Variants in MXI1 observed in about 807,000 individuals in gnomAD.
MXI1 encodes MAX interactor 1, dimerization protein.
A neutral mutation model predicts 36.9 loss-of-function variants in MXI1; 18 were observed. The ratio of observed to expected loss-of-function variants is 0.49; its 90% CI spans 0.34 to 0.72. MXI1 has a LOEUF of 0.72. Ranked by LOEUF, MXI1 falls within the 30% of genes least tolerant of loss-of-function variation. The pLI, the probability that MXI1 is intolerant of heterozygous loss-of-function variation, is 0.01. For missense variants in MXI1, 304 were observed against 379.1 expected (o/e 0.80, Z 1.64); for synonymous variants, 160 against 146.7 (o/e 1.09, Z -0.65).
chr10:110,235,686 T>TAAAA (rs1484493774), intron 2 of MXI1, among the ~76,000 whole-genome samples: 6 of 130,012 alleles, frequency 4.6e-5, no homozygotes, highest in East Asian at 4.4e-4. Context: ...AGACTCTGTC[T>TAAAA]CAAAAAATAA....
intron 3 of MXI1, among the ~76,000 whole-genome samples, chr10:110,265,951 A>G (rs912192079): frequency 2.6e-5 from 4 of 152,104 alleles, no homozygotes; most frequent in African/African-American, 9.7e-5. Context: ...GTTGTCACTT[A>G]CTCTGGGGTG....
At chr10:110,256,090 A>T (rs926740717) in intron 3 of MXI1, among the ~76,000 whole-genome samples, 14 of 152,186 alleles carry the variant, frequency 9.2e-5, no homozygotes, top group African/African-American at 3.4e-4. Flanking sequence ...AGCGGACACA[A>T]CTGGATACCT....
chr10:110,218,066 G>T (rs1357860780), intron 1 of MXI1, among the ~76,000 whole-genome samples: 1 of 152,160 alleles, frequency 6.6e-6, no homozygotes, highest in Non-Finnish European at 1.5e-5. Context: ...GTGGAGTAGA[G>T]ACTAAAACCC....
intron 2 of MXI1, among the ~76,000 whole-genome samples, chr10:110,231,814 A>C (rs1184124926): frequency 6.6e-6 from 1 of 152,152 alleles, no homozygotes; most frequent in Non-Finnish European, 1.5e-5. Flanking sequence ...AAACTCTACT[A>C]AATAAGCCAT....
rs555871327 is a variant in MXI1 at position 110,274,211 on chromosome 10, ACT to A, written c.438-4965_438-4964del. Reference sequence around the variant, plus strand: ...ATCTACCAAAATAAAAGCCAAACAGACTCTCATTGTTCTTTATCCCACAAGGG... The same window carrying A: ...ATCTACCAAAATAAAAGCCAAACAGACTCATTGTTCTTTATCCCACAAGGG... On this transcript the variant is annotated intron_variant, in intron 3 of 5. Coordinates refer to ENST00000332674, the MANE Select transcript of MXI1 (RefSeq NM_130439.3). Among the ~76,000 whole-genome samples, 145 of 152,184 alleles carry A rather than the reference ACT, an allele frequency of 9.5e-4. 1 individual carries two copies. Among genetic ancestry groups the A allele is most frequent in the Non-Finnish European group, 1.6e-3 (107 of 67,992 alleles).
In MXI1 at chr10:110,244,825, T is replaced by C. The variant is rs775796975; in HGVS notation, c.408-3T>C. On this transcript the variant is annotated splice_polypyrimidine_tract_variant and splice_region_variant and intron_variant, in intron 2 of 5. Coordinates refer to ENST00000332674, the MANE Select transcript of MXI1 (RefSeq NM_130439.3). ...AATGCTTTTTTTTTTTTTTGTCTTT[T>C]AGATCTACACACAATGAGCTGGAAA... is the stretch of plus-strand genomic sequence containing the variant. 1 of 1,535,934 alleles carries C rather than the reference T, an allele frequency of 6.5e-7. No individual in the cohort carries two copies. Among genetic ancestry groups the C allele is most frequent in the Non-Finnish European group, 8.8e-7 (1 of 1,142,822 alleles).
intron 3 of MXI1, among the ~76,000 whole-genome samples, chr10:110,266,641 T>C (rs1355688124): frequency 1.3e-5 from 2 of 152,204 alleles, no homozygotes; most frequent in South Asian, 2.1e-4. Context: ...TGGAGTACTA[T>C]TGAAGATGTC....
rs140816803 is a variant in MXI1, at chr10:110,254,026, T to C, written c.437+9169T>C. On this transcript the variant is annotated intron_variant, in intron 3 of 5. Coordinates refer to ENST00000332674, the MANE Select transcript of MXI1 (RefSeq NM_130439.3). Reference sequence around the variant, plus strand: ...GATAAGAAAAAAAAAATAAAAGGCATCCAGATTGGAAAGAAAGAAGTAAAA... The same window carrying C: ...GATAAGAAAAAAAAAATAAAAGGCACCCAGATTGGAAAGAAAGAAGTAAAA... 2.1e-3 allele frequency among the ~76,000 whole-genome samples: 323 copies of C among 152,064 alleles called. 2 individuals are homozygous for C. The highest frequency in any genetic ancestry group is 0.014 in the Middle Eastern group (4 of 294).
intron 3 of MXI1, among the ~76,000 whole-genome samples, chr10:110,278,703 T>G (rs117554012): frequency 0.014 from 1,428 of 99,046 alleles, 12 homozygotes; most frequent in Non-Finnish European, 0.017. Context: ...AGAGGTAGGG[T>G]GTGTGTGTGT....
At chr10:110,214,800 T>C (rs1351348639) in intron 1 of MXI1, among the ~76,000 whole-genome samples, 2 of 150,830 alleles carry the variant, frequency 1.3e-5, no homozygotes, top group Non-Finnish European at 2.9e-5. Context: ...GGCTTCCAAA[T>C]GTCCTGTTTT....
At chr10:110,237,202 T>C (rs1342902929) in intron 2 of MXI1, among the ~76,000 whole-genome samples, 1 of 152,238 alleles carries the variant, frequency 6.6e-6, no homozygotes, top group African/African-American at 2.4e-5. Context: ...TTCCTTTTCT[T>C]GTTTTATTTC....
At chr10:110,246,734 C>T (rs1855878840) in intron 3 of MXI1, among the ~76,000 whole-genome samples, 2 of 152,234 alleles carry the variant, frequency 1.3e-5, no homozygotes, top group Middle Eastern at 3.4e-3. Context: ...AACTGGAACT[C>T]AAAGTTGAGT....
At chr10:110,226,072 C>T in intron 1 of MXI1, 1 of 1,009,890 alleles carries the variant, frequency 9.9e-7, no homozygotes, top group Non-Finnish European at 1.2e-6. Context: ...CGGCGGAGAG[C>T]GCGCCGAGCC....
intron 3 of MXI1, among the ~76,000 whole-genome samples, chr10:110,273,886 G>T (rs1435229891): frequency 6.6e-6 from 1 of 152,200 alleles, no homozygotes; most frequent in Non-Finnish European, 1.5e-5. Flanking sequence ...CCAGGCGGGG[G>T]TTAGATCTAT....
At chr10:110,229,367 G>A (rs1324153414) in intron 2 of MXI1, among the ~76,000 whole-genome samples, 2 of 152,140 alleles carry the variant, frequency 1.3e-5, no homozygotes, top group East Asian at 1.9e-4. Context: ...GAAGGCTTTG[G>A]GGAGCTTCAG....
intron 3 of MXI1, among the ~76,000 whole-genome samples, chr10:110,256,691 A>G (rs1461309640): frequency 1.3e-5 from 2 of 152,010 alleles, no homozygotes; most frequent in Admixed American, 6.6e-5. Context: ...ATGTGAATCA[A>G]AACTATAAGA....
intron 1 of MXI1, chr10:110,227,653 A>C: frequency 1.5e-6 from 1 of 687,520 alleles, no homozygotes; most frequent in Non-Finnish European, 1.8e-6. Context: ...GGGCCTTTGA[A>C]TACCTGCGGG....
At chr10:110,222,122 G>A (rs1187702832) in intron 1 of MXI1, among the ~76,000 whole-genome samples, 1 of 152,222 alleles carries the variant, frequency 6.6e-6, no homozygotes, top group Admixed American at 6.5e-5. Context: ...TGGGGGAAGA[G>A]GAGGGGAGGA....
At chr10:110,211,535 C>T (rs1369912985) in intron 1 of MXI1, among the ~76,000 whole-genome samples, 2 of 152,224 alleles carry the variant, frequency 1.3e-5, no homozygotes, top group Non-Finnish European at 2.9e-5. Flanking sequence ...TAACACGTTC[C>T]GTTTTTACTG....
Sources: gnomAD v4.1 joint callset for allele counts (sites outside exome capture counted in the v4.1 genomes callset) on GRCh38, gnomAD v4.1.1 for gene constraint, MANE v1.5 for transcripts, NCBI Gene and HGNC (gene_info 2026-07-23, HGNC 2026-07-21) for gene names.